KDM6A: variants seen among roughly 807,000 people sequenced by gnomAD.
The protein encoded by KDM6A is lysine demethylase 6A.
In KDM6A, 11 loss-of-function variants were observed where a neutral mutation model predicts 117.6. That is an observed-to-expected ratio of 0.09 (90% confidence interval 0.06 to 0.15). KDM6A has a LOEUF of 0.15. Among genes scored for constraint, KDM6A ranks in the 10% least tolerant of loss-of-function variants. The pLI, the probability that KDM6A is intolerant of heterozygous loss-of-function variation, is 1.00. For synonymous variants in KDM6A, 384 were observed against 396.1 expected, an observed-to-expected ratio of 0.97 and a Z score of 0.36; for missense variants, 799 against 1,077.3, an observed-to-expected ratio of 0.74 and a Z score of 3.62.
chrX:45,111,024 T>G (rs1054312803), intron 29 of KDM6A, among the ~76,000 whole-genome samples: 7 of 112,279 alleles, frequency 6.2e-5, no homozygotes, highest in Non-Finnish European at 1.3e-4. Context: ...CTAGCTGAGA[T>G]AGATTCTGAA....
At chrX:44,908,942 C>T (rs1236427234) in intron 2 of KDM6A, among the ~76,000 whole-genome samples, 1 of 112,155 alleles carries the variant, frequency 8.9e-6, no homozygotes, top group African/African-American at 3.2e-5. Flanking sequence ...TTTAAGGAAA[C>T]TTGTTGAAGT....
chrX:45,068,560 T>C (rs868104871), intron 17 of KDM6A, among the ~76,000 whole-genome samples: 1 of 96,249 alleles, frequency 1.0e-5, no homozygotes, highest in Non-Finnish European at 2.0e-5. Flanking sequence ...CCCTTTTTTT[T>C]TAAAAAAAAA....
intron 4 of KDM6A, among the ~76,000 whole-genome samples, chrX:44,991,226 A>C (rs897573232): frequency 5.4e-5 from 6 of 111,982 alleles, no homozygotes; most frequent in African/African-American, 1.6e-4. Context: ...TGTAAATTTT[A>C]ATACTGATTT....
intron 27 of KDM6A, among the ~76,000 whole-genome samples, chrX:45,091,140 T>C (rs928806944): frequency 9.0e-6 from 1 of 111,653 alleles, no homozygotes; most frequent in African/African-American, 3.3e-5. Flanking sequence ...TATCCCAGGA[T>C]AACTTTAGTT....
chrX:44,989,381 T>C (rs2040444930), intron 4 of KDM6A, among the ~76,000 whole-genome samples: 1 of 107,515 alleles, frequency 9.3e-6, no homozygotes, highest in Non-Finnish European at 1.9e-5. Context: ...CTGCTTCGGC[T>C]CACGCTCAGT....
At chrX:44,954,123 A>G (rs1435909933) in intron 2 of KDM6A, among the ~76,000 whole-genome samples, 1 of 110,769 alleles carries the variant, frequency 9.0e-6, no homozygotes, top group African/African-American at 3.3e-5. Flanking sequence ...CATTAAAAAA[A>G]AAAAGTATAA....
intron 8 of KDM6A, among the ~76,000 whole-genome samples, chrX:45,043,258 C>G (rs1438965840): frequency 9.0e-6 from 1 of 110,901 alleles, no homozygotes; most frequent in African/African-American, 3.3e-5. Context: ...CCACTGCGCT[C>G]CAGCCTGGGT....
chrX:45,042,207 G>GTCCAGCTTCGGC (rs1160192140), intron 8 of KDM6A, among the ~76,000 whole-genome samples: 2 of 95,690 alleles, frequency 2.1e-5, no homozygotes, highest in African/African-American at 8.2e-5. Flanking sequence ...CAGCAGTACC[G>GTCCAGCTTCGGC]TCCAGCTTCG....
chrX:45,085,612 C>T (rs2045610938), intron 24 of KDM6A, among the ~76,000 whole-genome samples: 1 of 111,901 alleles, frequency 8.9e-6, no homozygotes, highest in African/African-American at 3.2e-5. Context: ...AGAGCCTAAT[C>T]TCTTAACCAT....
At chrX:45,044,346 C>T (rs1009950097) in intron 8 of KDM6A, among the ~76,000 whole-genome samples, 1 of 111,792 alleles carries the variant, frequency 8.9e-6, no homozygotes, top group Non-Finnish European at 1.9e-5. Context: ...ATAATTTGAG[C>T]AGTTCACTAT....
chrX:45,093,853 A>T lies in KDM6A; in HGVS notation c.4034+2989A>T, dbSNP rs1169699242. Among the ~76,000 whole-genome samples the T allele has an allele frequency of 2.7e-5, 3 of 111,163 alleles. No individual in the cohort carries two copies. The Admixed American group carries it at 2.9e-4, about 11-fold the overall frequency. ...AAATTTGTGTGTTTTTCTACTTATA[A>T]TTTATAGTGATACTGTTGTTTCTTA... On this transcript the variant is annotated intron_variant, in intron 27 of 29. Coordinates refer to ENST00000611820, the MANE Select transcript of KDM6A (RefSeq NM_001291415.2).
chrX:45,018,701 A>C (rs2042061493), intron 5 of KDM6A, among the ~76,000 whole-genome samples: 1 of 110,412 alleles, frequency 9.1e-6, no homozygotes, highest in Non-Finnish European at 1.9e-5. Context: ...TCCTTTCCTG[A>C]ATTCTTTGTT....
intron 5 of KDM6A, among the ~76,000 whole-genome samples, chrX:45,014,052 A>C (rs1402154368): frequency 8.9e-6 from 1 of 111,798 alleles, no homozygotes; most frequent in Non-Finnish European, 1.9e-5. Context: ...GTCAGCATGA[A>C]GAATCTGCCT....
chrX:45,001,243 A>G (rs888759055), intron 4 of KDM6A, among the ~76,000 whole-genome samples: 1 of 111,732 alleles, frequency 8.9e-6, no homozygotes, highest in African/African-American at 3.3e-5. Flanking sequence ...GGCTTAGAAA[A>G]GGGGAAGAAC....
intron 2 of KDM6A, among the ~76,000 whole-genome samples, chrX:44,918,343 A>G (rs993063162): frequency 1.8e-5 from 2 of 111,116 alleles, no homozygotes; most frequent in African/African-American, 3.3e-5. Flanking sequence ...TCATTCACCT[A>G]TAGATTTTTT....
rs2045470468 is a variant in KDM6A at position 45,082,707 on chromosome X, T to C, written c.3366-8T>C. ...GGCATGTTTCTAATACTGTGTCTCT[T>C]TTTTAAGTTCTGGGAGGAGGAGGAA... On this transcript the variant is annotated splice_region_variant and splice_polypyrimidine_tract_variant and intron_variant, in intron 22 of 29. Transcript: ENST00000611820. 1 of 1,200,019 alleles carries C rather than the reference T, an allele frequency of 8.3e-7. No homozygotes were observed. Among genetic ancestry groups the C allele is most frequent in the African/African-American group, 1.8e-5 (1 of 56,795 alleles).
chrX:45,028,108 C>T (rs1034839320), intron 6 of KDM6A, among the ~76,000 whole-genome samples: 108 of 111,847 alleles, frequency 9.7e-4, no homozygotes, highest in African/African-American at 3.3e-3. Flanking sequence ...CCACCACGCC[C>T]GGCCTGTACT....
At chrX:44,999,285 A>G (rs2147476362) in intron 4 of KDM6A, among the ~76,000 whole-genome samples, 1 of 112,334 alleles carries the variant, frequency 8.9e-6, no homozygotes, top group South Asian at 3.7e-4. Flanking sequence ...AGATAGAGCA[A>G]TGGTGAGCGC....
At chrX:44,912,674 A>T (rs1337832138) in intron 2 of KDM6A, among the ~76,000 whole-genome samples, 1 of 111,856 alleles carries the variant, frequency 8.9e-6, no homozygotes, top group African/African-American at 3.3e-5. Flanking sequence ...GTTGAGAAGA[A>T]TATTTATATT....
Sources: gnomAD v4.1 joint callset for allele counts (sites outside exome capture counted in the v4.1 genomes callset) on GRCh38, gnomAD v4.1.1 for gene constraint, MANE v1.5 for transcripts, NCBI Gene and HGNC (gene_info 2026-07-23, HGNC 2026-07-21) for gene names.